CCDC192: variants seen among roughly 807,000 people sequenced by gnomAD.
CCDC192 encodes the protein coiled-coil domain-containing protein 192.
intron 2 of CCDC192, among the ~76,000 whole-genome samples, chr5:127,717,078 G>A (rs1438585568): frequency 6.6e-6 from 1 of 152,050 alleles, no homozygotes; most frequent in African/African-American, 2.4e-5. Flanking sequence ...CAAAAAATAT[G>A]AATAGAAACT....
At chr5:127,856,754 A>G (rs1264223562) in intron 5 of CCDC192, among the ~76,000 whole-genome samples, 2 of 152,210 alleles carry the variant, frequency 1.3e-5, no homozygotes, top group African/African-American at 4.8e-5. Context: ...ATGGAGAGAT[A>G]TGGGAAAACA....
At chr5:127,704,211 CAG>C (rs770708849) in intron 1 of CCDC192, among the ~76,000 whole-genome samples, 1 of 152,136 alleles carries the variant, frequency 6.6e-6, no homozygotes, top group East Asian at 1.9e-4. Context: ...GTTTTTGAGA[CAG>C]AGTCTCACTC....
intron 5 of CCDC192, among the ~76,000 whole-genome samples, chr5:127,873,760 A>G (rs1751954661): frequency 1.3e-5 from 2 of 152,220 alleles, no homozygotes; most frequent in South Asian, 2.1e-4. Context: ...GAAAAGGTCA[A>G]TGGTTACCAT....
At chr5:127,719,833 G>GA (rs113046669) in intron 2 of CCDC192, among the ~76,000 whole-genome samples, 8 of 130,132 alleles carry the variant, frequency 6.1e-5, no homozygotes, top group Admixed American at 3.5e-4. Context: ...AGAGGAAGGG[G>GA]CGGGGGAGGT....
intron 3 of CCDC192, among the ~76,000 whole-genome samples, chr5:127,780,510 C>A (rs771785056): frequency 1.7e-4 from 26 of 152,258 alleles, no homozygotes; most frequent in Middle Eastern, 3.4e-3. Flanking sequence ...TTGATTATGG[C>A]AATTCTTGCA....
intron 6 of CCDC192, among the ~76,000 whole-genome samples, chr5:127,883,083 T>C (rs1445726414): frequency 6.6e-6 from 1 of 152,236 alleles, no homozygotes; most frequent in African/African-American, 2.4e-5. Flanking sequence ...CATCAGACTT[T>C]ATGGAGCTCA....
chr5:127,916,164 C>T (rs933084093), intron 6 of CCDC192, among the ~76,000 whole-genome samples: 6 of 152,232 alleles, frequency 3.9e-5, no homozygotes, highest in Non-Finnish European at 1.5e-5. Context: ...TTCAATAAAA[C>T]ATTTTCTCTG....
intron 2 of CCDC192, among the ~76,000 whole-genome samples, chr5:127,752,021 T>C (rs934147276): frequency 6.6e-6 from 1 of 151,988 alleles, no homozygotes; most frequent in Non-Finnish European, 1.5e-5. Context: ...TTCTTCTAAA[T>C]TTTTTTCAAA....
At chr5:127,926,798 A>G (rs560842010) in intron 6 of CCDC192, among the ~76,000 whole-genome samples, 1 of 152,288 alleles carries the variant, frequency 6.6e-6, no homozygotes, top group African/African-American at 2.4e-5. Context: ...AGGCCACAGG[A>G]GGGAATGAAA....
chr5:127,789,572 C>G (rs1344909337), intron 3 of CCDC192, among the ~76,000 whole-genome samples: 1 of 152,164 alleles, frequency 6.6e-6, no homozygotes, highest in Non-Finnish European at 1.5e-5. Context: ...GTTGAGAATA[C>G]CAAGGGTGTG....
At chr5:127,776,720 G>A (rs1344848947) in intron 3 of CCDC192, among the ~76,000 whole-genome samples, 2 of 152,184 alleles carry the variant, frequency 1.3e-5, no homozygotes, top group Admixed American at 1.3e-4. Context: ...ATGCAGTATA[G>A]GGACTTGGTG....
At chr5:127,738,802 C>G (rs924613390) in intron 2 of CCDC192, among the ~76,000 whole-genome samples, 1 of 152,214 alleles carries the variant, frequency 6.6e-6, no homozygotes. Flanking sequence ...AAGCACTTCT[C>G]TGTATTGGTT....
intron 2 of CCDC192, among the ~76,000 whole-genome samples, chr5:127,749,995 C>G (rs949714144): frequency 4.6e-5 from 7 of 151,490 alleles, no homozygotes; most frequent in Non-Finnish European, 8.8e-5. Flanking sequence ...CTATTTGATT[C>G]TTCTCTCTTT....
At chr5:127,714,939 AG>A (rs948933500) in intron 2 of CCDC192, among the ~76,000 whole-genome samples, 8 of 149,288 alleles carry the variant, frequency 5.4e-5, no homozygotes, top group Non-Finnish European at 1.2e-4. Flanking sequence ...ATGTCTATTT[AG>A]GTCTTTTGCC....
Position 127,853,808 on chromosome 5 carries a change from A to G in CCDC192, c.412-21730A>G, listed in dbSNP as rs1357234874. Among the ~76,000 whole-genome samples the G allele has an allele frequency of 3.3e-5, 5 of 152,060 alleles. No individual in the cohort carries two copies. In the South Asian group the frequency reaches 1.0e-3, roughly 32 times the overall value. On this transcript the variant is annotated intron_variant, in intron 5 of 6. Transcript: ENST00000514853. ...CAAACAAACAAACAAAAAACAAACA[A>G]AAAAAACATCTGGAGTGAGAATTCT...
chr5:127,876,950 A>G (rs1236311197), intron 6 of CCDC192, among the ~76,000 whole-genome samples: 5 of 152,238 alleles, frequency 3.3e-5, no homozygotes, highest in African/African-American at 4.8e-5. Flanking sequence ...TTTTACCACC[A>G]TGAAACCTAA....
At chr5:127,906,540 C>T (rs1753198320) in intron 6 of CCDC192, among the ~76,000 whole-genome samples, 1 of 152,142 alleles carries the variant, frequency 6.6e-6, no homozygotes, top group African/African-American at 2.4e-5. Context: ...AATCCTAGCA[C>T]TCTGAGAGGC....
intron 2 of CCDC192, among the ~76,000 whole-genome samples, chr5:127,711,077 T>A (rs1751305327): frequency 6.6e-6 from 1 of 152,058 alleles, no homozygotes; most frequent in African/African-American, 2.4e-5. Context: ...GCAAGAAGGG[T>A]TGGCCAAAAT....
intron 5 of CCDC192, among the ~76,000 whole-genome samples, chr5:127,822,105 C>T (rs1749319980): frequency 6.6e-6 from 1 of 152,198 alleles, no homozygotes. Context: ...CCAGGGACAA[C>T]ATTCTGGGCT....
Sources: allele counts gnomAD v4.1 joint callset (sites outside exome capture counted in the v4.1 genomes callset), GRCh38; gene constraint gnomAD v4.1.1; transcripts MANE v1.5; gene names NCBI Gene and HGNC (gene_info 2026-07-23, HGNC 2026-07-21).